Variants in MACROD2 observed in about 807,000 individuals in gnomAD.
The protein encoded by MACROD2 is ADP-ribose glycohydrolase MACROD2.
In MACROD2, 36 loss-of-function variants were observed where a neutral mutation model predicts 70.4. That is an observed-to-expected ratio of 0.51 (90% CI 0.39 to 0.68). The LOEUF (loss-of-function observed/expected upper bound fraction) is 0.68, where lower values mean the gene tolerates loss of function less well. Among genes scored for constraint, MACROD2 ranks in the 30% least tolerant of loss-of-function variants. The pLI is 0.00. For missense variants in MACROD2, 496 were observed against 538.4 expected, an observed-to-expected ratio of 0.92 and a Z score of 0.78; for synonymous variants, 172 against 178.8, an observed-to-expected ratio of 0.96 and a Z score of 0.30.
chr20:14,621,605 A>G (rs908483423), intron 4 of MACROD2, among the ~76,000 whole-genome samples: 2 of 152,148 alleles, frequency 1.3e-5, no homozygotes, highest in Non-Finnish European at 2.9e-5. Flanking sequence ...ATAACTTTAA[A>G]TCAGCTGAAC....
chr20:15,489,708 G>A (rs976633393), intron 7 of MACROD2, among the ~76,000 whole-genome samples: 7 of 152,104 alleles, frequency 4.6e-5, no homozygotes, highest in Non-Finnish European at 7.4e-5. Flanking sequence ...CTTTCTTTGG[G>A]GTTTCAAACC....
chr20:15,564,082 T>C (rs1291663717), intron 8 of MACROD2, among the ~76,000 whole-genome samples: 1 of 152,144 alleles, frequency 6.6e-6, no homozygotes, highest in Non-Finnish European at 1.5e-5. Context: ...ATATCAACAG[T>C]GTGTGACACG....
At chr20:15,848,248 C>T (rs2064255928) in intron 8 of MACROD2, among the ~76,000 whole-genome samples, 1 of 152,102 alleles carries the variant, frequency 6.6e-6, no homozygotes. Context: ...ATACACCATG[C>T]ATTCTGGCTC....
At chr20:14,520,933 A>ACAGACATGCACGCGTGCGTGCG (rs2085160793) in intron 4 of MACROD2, among the ~76,000 whole-genome samples, 1 of 145,440 alleles carries the variant, frequency 6.9e-6, no homozygotes, top group South Asian at 2.3e-4. Flanking sequence ...AGATACACAC[A>ACAGACATGCACGCGTGCGTGCG]CAGACATGCA....
At chr20:15,116,794 T>C (rs562353583) in intron 5 of MACROD2, among the ~76,000 whole-genome samples, 1 of 152,196 alleles carries the variant, frequency 6.6e-6, no homozygotes, top group African/African-American at 2.4e-5. Context: ...TCCATAAAGC[T>C]TCTGGTCAAC....
intron 6 of MACROD2, among the ~76,000 whole-genome samples, chr20:15,421,815 A>T (rs1313765754): frequency 3.3e-5 from 5 of 152,162 alleles, no homozygotes; most frequent in African/African-American, 1.2e-4. Flanking sequence ...TGTTGGGGAG[A>T]CTGTGAACAA....
intron 6 of MACROD2, among the ~76,000 whole-genome samples, chr20:15,254,111 C>T (rs907383068): frequency 2.6e-4 from 39 of 152,252 alleles, no homozygotes; most frequent in African/African-American, 9.4e-4. Context: ...TGTCTCTTCA[C>T]CCTGCAGGAA....
intron 8 of MACROD2, among the ~76,000 whole-genome samples, chr20:15,507,484 T>G (rs1030965122): frequency 6.6e-6 from 1 of 151,808 alleles, no homozygotes; most frequent in Non-Finnish European, 1.5e-5. Context: ...CCTTTTCTTT[T>G]TTCTTTCTTT....
chr20:14,515,459 A>ACGCGCG (rs1555798319), intron 4 of MACROD2, among the ~76,000 whole-genome samples: 1 of 71,332 alleles, frequency 1.4e-5, no homozygotes, highest in African/African-American at 7.0e-5. Flanking sequence ...TGAGATACAC[A>ACGCGCG]CACACGCACA....
At chr20:14,051,445 T>C (rs1354761158) in intron 2 of MACROD2, among the ~76,000 whole-genome samples, 1 of 152,214 alleles carries the variant, frequency 6.6e-6, no homozygotes, top group Non-Finnish European at 1.5e-5. Context: ...CCTGGACGTT[T>C]ACAGAAGTAT....
intron 7 of MACROD2, among the ~76,000 whole-genome samples, chr20:15,435,679 T>A (rs1373786773): frequency 6.6e-6 from 1 of 152,038 alleles, no homozygotes; most frequent in African/African-American, 2.4e-5. Flanking sequence ...AACAAAAGAG[T>A]CTCCAGAGTG....
intron 8 of MACROD2, among the ~76,000 whole-genome samples, chr20:15,678,541 A>G (rs971778057): frequency 6.6e-6 from 1 of 152,060 alleles, no homozygotes; most frequent in African/African-American, 2.4e-5. Flanking sequence ...TTGTATTTTT[A>G]GTAGAGACGA....
At chr20:15,037,810 ACAAT>A (rs1174313382) in intron 5 of MACROD2, among the ~76,000 whole-genome samples, 1 of 152,264 alleles carries the variant, frequency 6.6e-6, no homozygotes, top group African/African-American at 2.4e-5. Context: ...ACCTCACAAA[ACAAT>A]CAAGAGTAAA....
chr20:15,624,373 C>T (rs113326189), intron 8 of MACROD2, among the ~76,000 whole-genome samples: 5,715 of 152,220 alleles, frequency 0.038, 127 homozygotes, highest in Non-Finnish European at 0.057. Flanking sequence ...ACAGACACAC[C>T]CAGAAATAAT....
intron 3 of MACROD2, among the ~76,000 whole-genome samples, chr20:14,155,003 A>G (rs1041486877): frequency 1.3e-5 from 2 of 152,214 alleles, no homozygotes; most frequent in Non-Finnish European, 1.5e-5. Context: ...AACACTGGGT[A>G]GAAAGAAGGG....
chr20:16,010,234 T>C (rs371152750), intron 15 of MACROD2, among the ~76,000 whole-genome samples: 22 of 152,194 alleles, frequency 1.4e-4, no homozygotes, highest in African/African-American at 2.9e-4. Flanking sequence ...CTGGTGCATG[T>C]GGGTTACCTG....
At chr20:14,849,422 G>C (rs2073175408) in intron 5 of MACROD2, among the ~76,000 whole-genome samples, 1 of 152,014 alleles carries the variant, frequency 6.6e-6, no homozygotes, top group Non-Finnish European at 1.5e-5. Context: ...CGGTGTGCTG[G>C]GGCTGTCTTG....
In MACROD2 at chr20:14,395,701, C is replaced by T. The variant is rs557455497; in HGVS notation, c.272-97778C>T. Reference sequence around the variant, plus strand: ...TAGGTCATTACTTGATACATTTCCTCTTTTCTAATATAAATATTTAGTATT... The same window carrying T: ...TAGGTCATTACTTGATACATTTCCTTTTTTCTAATATAAATATTTAGTATT... On this transcript the variant is annotated intron_variant, in intron 3 of 17. Coordinates refer to ENST00000684519, the MANE Select transcript of MACROD2 (RefSeq NM_001351661.2). Among the ~76,000 whole-genome samples, 5 of 152,220 alleles carry T rather than the reference C, an allele frequency of 3.3e-5. No homozygotes were observed. In the East Asian group the frequency reaches 7.7e-4, roughly 23 times the overall value.
At chr20:14,464,614 T>G (rs1214533187) in intron 3 of MACROD2, among the ~76,000 whole-genome samples, 7 of 152,128 alleles carry the variant, frequency 4.6e-5, no homozygotes, top group Non-Finnish European at 1.0e-4. Context: ...CTAGTTCTTT[T>G]AATTGTGATG....
Sources: allele counts gnomAD v4.1 joint callset (sites outside exome capture counted in the v4.1 genomes callset), GRCh38; gene constraint gnomAD v4.1.1; transcripts MANE v1.5; gene names NCBI Gene and HGNC (gene_info 2026-07-23, HGNC 2026-07-21).